Variants in LDLRAD3 observed in about 807,000 individuals in gnomAD.
The protein encoded by LDLRAD3 is low density lipoprotein receptor class A domain containing 3.
A neutral mutation model predicts 29.4 loss-of-function variants in LDLRAD3; 20 were observed. The ratio of observed to expected loss-of-function variants is 0.68; its 90% CI spans 0.48 to 0.99. The LOEUF (loss-of-function observed/expected upper bound fraction) is 0.99. Among genes scored for constraint, LDLRAD3 ranks in the 50% least tolerant of loss-of-function variants. LDLRAD3 has a pLI of 0.00. For synonymous variants in LDLRAD3, 157 were observed against 192.7 expected, an observed-to-expected ratio of 0.81 and a Z score of 1.53; for missense variants, 420 against 454.3, an observed-to-expected ratio of 0.92 and a Z score of 0.69.
At chr11:36,047,427 A>T (rs1219734771) in intron 2 of LDLRAD3, among the ~76,000 whole-genome samples, 1 of 152,154 alleles carries the variant, frequency 6.6e-6, no homozygotes, top group South Asian at 2.1e-4. Context: ...GGCTAAGAAA[A>T]CACAGTGTCC....
At chr11:36,216,426 A>G (rs929279423) in intron 4 of LDLRAD3, among the ~76,000 whole-genome samples, 7 of 152,380 alleles carry the variant, frequency 4.6e-5, no homozygotes, top group East Asian at 1.9e-4. Flanking sequence ...CAAGTCTTGT[A>G]ATAATAGCTA....
chr11:36,100,664 C>G (rs1282348778), intron 4 of LDLRAD3, among the ~76,000 whole-genome samples: 1 of 152,208 alleles, frequency 6.6e-6, no homozygotes, highest in Non-Finnish European at 1.5e-5. Flanking sequence ...GTCTTGATCT[C>G]TTGACCTTGT....
At chr11:36,165,194 T>C (rs527929192) in intron 4 of LDLRAD3, among the ~76,000 whole-genome samples, 2 of 152,356 alleles carry the variant, frequency 1.3e-5, no homozygotes, top group Admixed American at 1.3e-4. Flanking sequence ...TATTTTCCCA[T>C]GTTGTTATAA....
rs1449857679 is a variant in LDLRAD3, at chr11:36,087,803, C to T, written c.319+6025C>T. Among the ~76,000 whole-genome samples, 6 of 151,992 alleles carry T rather than the reference C, an allele frequency of 3.9e-5. No homozygotes were observed. The East Asian group carries it at 1.2e-3, about 29-fold the overall frequency. On this transcript the variant is annotated intron_variant, in intron 3 of 5. Coordinates refer to ENST00000315571, the MANE Select transcript of LDLRAD3 (RefSeq NM_174902.4). ...CACAGCTCACTGCAGCCTTGACTTC[C>T]CAGGCTCAGGTGATTCTTCTACCTC...
chr11:36,045,555 G>A (rs1852437061), intron 2 of LDLRAD3, among the ~76,000 whole-genome samples: 1 of 152,084 alleles, frequency 6.6e-6, no homozygotes, highest in East Asian at 1.9e-4. Context: ...CCACTGATTA[G>A]CTGTCTGATA....
Position 35,963,635 on chromosome 11 carries a change from A to G in LDLRAD3, c.46+19491A>G, listed in dbSNP as rs142159629. Among the ~76,000 whole-genome samples, 155 of 152,270 alleles carry G rather than the reference A, an allele frequency of 1.0e-3. 1 individual carries two copies. The highest frequency in any genetic ancestry group is 9.0e-4 in the Non-Finnish European group (61 of 68,014). ...AGACCCAACTTGTGGTATTTCTGTA[A>G]CATATATACCCACATGTAAACACTA... On this transcript the variant is annotated intron_variant, in intron 1 of 5. Transcript: ENST00000315571.
chr11:35,971,513 A>T (rs938988634), intron 1 of LDLRAD3, among the ~76,000 whole-genome samples: 6 of 152,240 alleles, frequency 3.9e-5, no homozygotes, highest in African/African-American at 1.2e-4. Flanking sequence ...AACACCAGGC[A>T]TGCACATACA....
At chr11:36,025,747 C>T (rs2133201668) in intron 1 of LDLRAD3, among the ~76,000 whole-genome samples, 1 of 148,682 alleles carries the variant, frequency 6.7e-6, no homozygotes, top group East Asian at 2.0e-4. Flanking sequence ...ATCCCAGTTG[C>T]CAGAGGTACC....
chr11:35,998,340 C>T (rs1439798970), intron 1 of LDLRAD3, among the ~76,000 whole-genome samples: 1 of 152,240 alleles, frequency 6.6e-6, no homozygotes, highest in East Asian at 1.9e-4. Flanking sequence ...TGCAAACGCT[C>T]CTAGTGGCCA....
chr11:35,974,519 G>T (rs1851453092), intron 1 of LDLRAD3, among the ~76,000 whole-genome samples: 1 of 152,350 alleles, frequency 6.6e-6, no homozygotes, highest in Non-Finnish European at 1.5e-5. Context: ...TGAAATCAAA[G>T]TGTCAGCTGA....
At chr11:36,085,929 T>G (rs1168814567) in intron 3 of LDLRAD3, among the ~76,000 whole-genome samples, 1 of 152,158 alleles carries the variant, frequency 6.6e-6, no homozygotes, top group Non-Finnish European at 1.5e-5. Flanking sequence ...TCTGTTCATT[T>G]TTAATCACTC....
intron 1 of LDLRAD3, among the ~76,000 whole-genome samples, chr11:35,977,855 A>G (rs1851494629): frequency 6.6e-6 from 1 of 151,960 alleles, no homozygotes; most frequent in Non-Finnish European, 1.5e-5. Context: ...TGACCTAACC[A>G]CCTCCTGAAG....
chr11:36,081,789 C>G lies in LDLRAD3; in HGVS notation c.319+11C>G, dbSNP rs371526278. 3 of 1,614,080 alleles carry G rather than the reference C, an allele frequency of 1.9e-6. No homozygotes were observed. Among genetic ancestry groups the G allele is most frequent in the Non-Finnish European group, 2.5e-6 (3 of 1,179,934 alleles). ...ATGAAGAGAACTGCAGTAAGTGCTG[C>G]GCACTTGAACACTGTGATCCCTTGT... On this transcript the variant is annotated intron_variant, in intron 3 of 5. Transcript: ENST00000315571.
At chr11:36,055,531 G>A (rs1320958350) in intron 2 of LDLRAD3, among the ~76,000 whole-genome samples, 1 of 152,194 alleles carries the variant, frequency 6.6e-6, no homozygotes, top group Non-Finnish European at 1.5e-5. Flanking sequence ...TGGTGCTAGG[G>A]GCACTCCCAC....
intron 4 of LDLRAD3, among the ~76,000 whole-genome samples, chr11:36,159,585 A>G (rs561033452): frequency 1.6e-5 from 2 of 124,776 alleles, no homozygotes; most frequent in South Asian, 5.3e-4. Context: ...ATAGTAAAAC[A>G]CCGTCTTTAC....
At chr11:36,088,888 G>A (rs1298630528) in intron 3 of LDLRAD3, among the ~76,000 whole-genome samples, 1 of 152,100 alleles carries the variant, frequency 6.6e-6, no homozygotes, top group African/African-American at 2.4e-5. Context: ...CATCAGAGAG[G>A]CCTTCCATGA....
intron 1 of LDLRAD3, among the ~76,000 whole-genome samples, chr11:36,019,174 C>G (rs1317280917): frequency 6.6e-6 from 1 of 152,098 alleles, no homozygotes; most frequent in African/African-American, 2.4e-5. Flanking sequence ...AGATTGTGAT[C>G]TGAGCTGGAA....
At chr11:35,960,844 C>T (rs920357137) in intron 1 of LDLRAD3, among the ~76,000 whole-genome samples, 1 of 152,186 alleles carries the variant, frequency 6.6e-6, no homozygotes, top group African/African-American at 2.4e-5. Flanking sequence ...ATCCGCCCGC[C>T]TCGCCTCCCA....
chr11:36,056,356 T>C (rs1378564056), intron 2 of LDLRAD3, among the ~76,000 whole-genome samples: 1 of 152,170 alleles, frequency 6.6e-6, no homozygotes, highest in Non-Finnish European at 1.5e-5. Context: ...ATGCTCTGCA[T>C]GGATGATCTC....
Sources: allele counts gnomAD v4.1 joint callset (sites outside exome capture counted in the v4.1 genomes callset), GRCh38; gene constraint gnomAD v4.1.1; transcripts MANE v1.5; gene names NCBI Gene and HGNC (gene_info 2026-07-23, HGNC 2026-07-21).